STX8: variants seen among roughly 807,000 people sequenced by gnomAD.
The protein encoded by STX8 is syntaxin 8, also known as syntaxin-8.
Under a neutral mutation model 37.5 loss-of-function variants are expected in STX8, and 23 were observed. That is an observed-to-expected ratio of 0.61 (90% CI 0.44 to 0.87). The LOEUF (loss-of-function observed/expected upper bound fraction) is 0.87, where lower values mean the gene tolerates loss of function less well. Ranked by LOEUF, STX8 falls within the 40% of genes least tolerant of loss-of-function variation. The pLI, the probability that STX8 is intolerant of heterozygous loss-of-function variation, is 0.00. For synonymous variants in STX8, 115 were observed against 99.1 expected, an observed-to-expected ratio of 1.16 and a Z score of -0.95; for missense variants, 313 against 284.7, an observed-to-expected ratio of 1.10 and a Z score of -0.71.
rs368162296 is a variant in STX8 at position 9,353,858 on chromosome 17, G to C, written c.643+24694C>G. ...ATATAACAGAACCTACAAATGTAAA[G>C]AGCTTCAAAATTTTAACAACTATTT... On this transcript the variant is annotated intron_variant, in intron 7 of 7. Coordinates refer to ENST00000306357, the MANE Select transcript of STX8 (RefSeq NM_004853.3). Among the ~76,000 whole-genome samples the C allele has an allele frequency of 6.6e-5, 10 of 152,184 alleles. No individual in the cohort carries two copies. The South Asian group carries it at 2.1e-3, about 32-fold the overall frequency.
intron 6 of STX8, among the ~76,000 whole-genome samples, chr17:9,434,665 A>G (rs1270803861): frequency 1.3e-5 from 2 of 152,240 alleles, no homozygotes; most frequent in Non-Finnish European, 2.9e-5. Flanking sequence ...TTCACCCAGG[A>G]AAGAATTCAA....
At chr17:9,459,178 TAAC>T (rs1361402837) in intron 6 of STX8, among the ~76,000 whole-genome samples, 1 of 152,130 alleles carries the variant, frequency 6.6e-6, no homozygotes, top group Non-Finnish European at 1.5e-5. Context: ...AGAGAGCCAT[TAAC>T]AAGACATAGA....
Position 9,250,584 on chromosome 17 carries a change from G to A in STX8, c.705C>T (p.Thr235=). 1.9e-6 allele frequency: 3 copies of A among 1,593,874 alleles called. No homozygotes were observed. In the South Asian group the frequency reaches 3.4e-5, roughly 18 times the overall value. ...GGTGGTCTCTTTACTGCCATCAGTT[G>A]GTCGGCCAGACTGCAACAACCACGA... ...VAIVVVAVWP[T]N The change falls in exon 8 of 8, where the codon ACC becomes ACT. Residue 235 remains threonine, a synonymous_variant. Coordinates refer to ENST00000306357, the MANE Select transcript of STX8 (RefSeq NM_004853.3).
At chr17:9,547,246 C>CAAAAA (rs11300957) in intron 3 of STX8, 1 of 129,630 alleles carries the variant, frequency 7.7e-6, no homozygotes, top group Non-Finnish European at 1.6e-5. Context: ...GACTCTGTCT[C>CAAAAA]AAAAAAAAAA....
chr17:9,333,160 T>C (rs1910016372), intron 7 of STX8, among the ~76,000 whole-genome samples: 1 of 152,222 alleles, frequency 6.6e-6, no homozygotes, highest in Non-Finnish European at 1.5e-5. Flanking sequence ...GGGTATATTG[T>C]GTGACACTGA....
chr17:9,376,202 C>A (rs145083800), intron 7 of STX8, among the ~76,000 whole-genome samples: 1 of 152,136 alleles, frequency 6.6e-6, no homozygotes, highest in Non-Finnish European at 1.5e-5. Context: ...CACCAATCAG[C>A]GCTCTGTGTC....
At chr17:9,336,535 A>C (rs575056493) in intron 7 of STX8, among the ~76,000 whole-genome samples, 111 of 152,088 alleles carry the variant, frequency 7.3e-4, no homozygotes, top group African/African-American at 2.5e-3. Flanking sequence ...TCCCAGGTTA[A>C]AGCAATTCTC....
intron 6 of STX8, among the ~76,000 whole-genome samples, chr17:9,487,532 T>C (rs1440049614): frequency 6.6e-6 from 1 of 152,126 alleles, no homozygotes; most frequent in Non-Finnish European, 1.5e-5. Context: ...TTCCTGTGAC[T>C]GAAAATGGCT....
At chr17:9,530,109 C>A (rs1905754132) in intron 4 of STX8, among the ~76,000 whole-genome samples, 1 of 152,092 alleles carries the variant, frequency 6.6e-6, no homozygotes, top group African/African-American at 2.4e-5. Flanking sequence ...AGATCGAGAC[C>A]ATCCTGGCTA....
chr17:9,499,959 C>A (rs1428044259), intron 5 of STX8, among the ~76,000 whole-genome samples: 1 of 152,208 alleles, frequency 6.6e-6, no homozygotes, highest in African/African-American at 2.4e-5. Flanking sequence ...AACAGCTTTT[C>A]TTGGCAAAAT....
At chr17:9,428,483 A>G (rs564124021) in intron 6 of STX8, among the ~76,000 whole-genome samples, 42 of 152,108 alleles carry the variant, frequency 2.8e-4, no homozygotes, top group South Asian at 1.2e-3. Flanking sequence ...CTTGTGATCC[A>G]CCCGCCTTGG....
intron 7 of STX8, among the ~76,000 whole-genome samples, chr17:9,358,385 T>C (rs1910951503): frequency 6.6e-6 from 1 of 152,162 alleles, no homozygotes; most frequent in African/African-American, 2.4e-5. Context: ...TCTTCAATTT[T>C]GCAAAAGGGC....
chr17:9,263,184 CA>C (rs1379547676), intron 7 of STX8, among the ~76,000 whole-genome samples: 1 of 151,772 alleles, frequency 6.6e-6, no homozygotes, highest in Non-Finnish European at 1.5e-5. Context: ...AAAAAATAAG[CA>C]AAAAGGGACG....
intron 7 of STX8, among the ~76,000 whole-genome samples, chr17:9,252,637 T>TA (rs756737723): frequency 0.045 from 6,006 of 133,832 alleles, 168 homozygotes; most frequent in Non-Finnish European, 0.069. Flanking sequence ...AAAACGAAAA[T>TA]AAAAAAAAAA....
chr17:9,377,152 T>C (rs1303479844), intron 7 of STX8, among the ~76,000 whole-genome samples: 1 of 152,098 alleles, frequency 6.6e-6, no homozygotes, highest in Non-Finnish European at 1.5e-5. Flanking sequence ...AGGTGATGCT[T>C]CTGAAGCTGC....
At chr17:9,394,149 G>C (rs75892424) in intron 6 of STX8, among the ~76,000 whole-genome samples, 129 of 152,258 alleles carry the variant, frequency 8.5e-4, no homozygotes, top group African/African-American at 2.9e-3. Context: ...TTGTCACAGA[G>C]GGCAGCGCCG....
At chr17:9,503,505 T>G (rs1324890252) in intron 5 of STX8, among the ~76,000 whole-genome samples, 3 of 152,176 alleles carry the variant, frequency 2.0e-5, no homozygotes, top group African/African-American at 7.2e-5. Flanking sequence ...ACTTTAGATT[T>G]ATTTTCTCCT....
At chr17:9,458,333 T>C (rs1350314735) in intron 6 of STX8, among the ~76,000 whole-genome samples, 1 of 152,114 alleles carries the variant, frequency 6.6e-6, no homozygotes, top group Non-Finnish European at 1.5e-5. Context: ...GTATTTTTAG[T>C]AGAGATGGGG....
chr17:9,454,734 T>G (rs1451478677), intron 6 of STX8, among the ~76,000 whole-genome samples: 1 of 150,586 alleles, frequency 6.6e-6, no homozygotes, highest in Non-Finnish European at 1.5e-5. Context: ...TTCCATTTAA[T>G]ATATTGGGAC....
Sources: gnomAD v4.1 joint callset for allele counts (sites outside exome capture counted in the v4.1 genomes callset) on GRCh38, gnomAD v4.1.1 for gene constraint, MANE v1.5 for transcripts, NCBI Gene and HGNC (gene_info 2026-07-23, HGNC 2026-07-21) for gene names.